BAIAP2L1: variants seen among roughly 807,000 people sequenced by gnomAD.
The protein encoded by BAIAP2L1 is BAR/IMD domain containing adaptor protein 2 like 1, also known as BAR/IMD domain-containing adapter protein 2-like 1.
In BAIAP2L1, 35 loss-of-function variants were observed where a neutral mutation model predicts 66.3. The observed-to-expected ratio is 0.53, with a 90% CI of 0.40 to 0.70. The LOEUF is 0.70. Ranked by LOEUF, BAIAP2L1 falls within the 30% of genes least tolerant of loss-of-function variation. The pLI, the probability that BAIAP2L1 is intolerant of heterozygous loss-of-function variation, is 0.00. For missense variants in BAIAP2L1, 622 were observed against 656.9 expected (o/e 0.95, Z 0.58); for synonymous variants, 269 against 248.7 (o/e 1.08, Z -0.77).
At chr7:98,396,872 T>C (rs904661021) in intron 1 of BAIAP2L1, among the ~76,000 whole-genome samples, 2 of 152,186 alleles carry the variant, frequency 1.3e-5, no homozygotes, top group Admixed American at 6.5e-5. Context: ...AAGCACTCTA[T>C]GAAAAGTATC....
At chr7:98,371,288 GAA>G (rs1399969543) in intron 1 of BAIAP2L1, among the ~76,000 whole-genome samples, 1 of 152,164 alleles carries the variant, frequency 6.6e-6, no homozygotes, top group Non-Finnish European at 1.5e-5. Flanking sequence ...GTTTTAACCA[GAA>G]TGAGTTTCAT....
intron 3 of BAIAP2L1, among the ~76,000 whole-genome samples, chr7:98,343,244 A>T (rs1292620103): frequency 8.5e-6 from 1 of 117,212 alleles, no homozygotes; most frequent in East Asian, 2.4e-4. Flanking sequence ...CTGGAAAAAA[A>T]AAATACACAC....
chr7:98,343,977 G>A (rs1801810871), intron 3 of BAIAP2L1, among the ~76,000 whole-genome samples: 2 of 152,124 alleles, frequency 1.3e-5, no homozygotes, highest in Non-Finnish European at 2.9e-5. Flanking sequence ...TCAAGAGATC[G>A]AGACCATCCT....
chr7:98,332,768 C>T (rs1801527244), intron 3 of BAIAP2L1, among the ~76,000 whole-genome samples: 1 of 144,590 alleles, frequency 6.9e-6, no homozygotes. Flanking sequence ...GAGATCACGC[C>T]GCTGCACTCC....
chr7:98,388,069 G>T (rs1431443563), intron 1 of BAIAP2L1, among the ~76,000 whole-genome samples: 3 of 152,096 alleles, frequency 2.0e-5, no homozygotes, highest in African/African-American at 7.2e-5. Flanking sequence ...TGCTCTTGGT[G>T]GGGGTGGGGA....
At chr7:98,359,925 ATTTT>A (rs34672324) in intron 2 of BAIAP2L1, among the ~76,000 whole-genome samples, 2 of 141,156 alleles carry the variant, frequency 1.4e-5, no homozygotes, top group African/African-American at 2.6e-5. Context: ...TGCCCAGCTA[ATTTT>A]TTTTTTTTTC....
chr7:98,358,734 TAA>T (rs1802198404), intron 2 of BAIAP2L1, among the ~76,000 whole-genome samples: 1 of 152,074 alleles, frequency 6.6e-6, no homozygotes, highest in Admixed American at 6.6e-5. Flanking sequence ...AATTTTTCCT[TAA>T]AATATGGTTT....
intron 3 of BAIAP2L1, 142 bp downstream of exon 3, chr7:98,354,900 T>C (rs1802084085): frequency 7.6e-6 from 5 of 662,080 alleles, no homozygotes; most frequent in African/African-American, 7.2e-5. Context: ...TAAGCATCAA[T>C]TTCCACAGAC....
chr7:98,292,952 G>C lies in BAIAP2L1; in HGVS notation c.*569C>G, dbSNP rs895936067. ...CTTAGCACTCTACAGCTCTGGCGTG[G>C]TTGGAGGGAGGGTGGGGGTTTCTCC... On this transcript the variant is annotated 3_prime_UTR_variant, in exon 14 of 14. Coordinates refer to ENST00000005260, the MANE Select transcript of BAIAP2L1 (RefSeq NM_018842.5). 2 of 1,235,434 alleles carry C rather than the reference G, an allele frequency of 1.6e-6. No homozygotes were observed. The highest frequency in any genetic ancestry group is 2.0e-6 in the Non-Finnish European group (2 of 987,676). The allele number at this position is 1,235,434 out of a possible 1,614,324, so 76.5% of individuals were successfully genotyped here.
rs1801511281 is a variant in BAIAP2L1, at chr7:98,332,216, C to A, written c.215-11918G>T. The stretch of plus-strand genomic sequence containing the variant: ...TGGCCAACATGGTGGAACTCTGTCT[C>A]TACCAAAAATATAAAAATTAGCCGG... On this transcript the variant is annotated intron_variant, in intron 3 of 13. Transcript: ENST00000005260. Among the ~76,000 whole-genome samples the A allele has an allele frequency of 2.0e-5, 3 of 151,194 alleles. No homozygotes were observed. The South Asian group carries it at 6.3e-4, about 32-fold the overall frequency.
chr7:98,363,027 C>CTTTTTT (rs71537235), intron 1 of BAIAP2L1, among the ~76,000 whole-genome samples: 114 of 75,536 alleles, frequency 1.5e-3, no homozygotes, highest in East Asian at 3.3e-3. Context: ...GGCATTTTTT[C>CTTTTTT]TTTTTTTTTT....
At chr7:98,320,695 C>T (rs1184596841) in intron 3 of BAIAP2L1, among the ~76,000 whole-genome samples, 2 of 152,160 alleles carry the variant, frequency 1.3e-5, no homozygotes, top group Admixed American at 6.5e-5. Flanking sequence ...CACAGAAATA[C>T]ACTGTCCTCA....
intron 12 of BAIAP2L1, among the ~76,000 whole-genome samples, chr7:98,301,818 G>A (rs966167259): frequency 6.6e-6 from 1 of 152,136 alleles, no homozygotes; most frequent in Admixed American, 6.5e-5. Flanking sequence ...CCTGAAGCTC[G>A]CGGGTGTGAG....
At chr7:98,300,367 C>T (rs895339560) in intron 12 of BAIAP2L1, among the ~76,000 whole-genome samples, 17 of 152,206 alleles carry the variant, frequency 1.1e-4, no homozygotes, top group African/African-American at 3.4e-4. Flanking sequence ...CTGGATGAAA[C>T]GTGGTCACTT....
Position 98,293,256 on chromosome 7 carries a change from C to A in BAIAP2L1, c.*265G>T. ...TAAAAAATACAGTAAAGATTGAAAC[C>A]AAGTTTACTGTTTCTTGAACAGAAT... On this transcript the variant is annotated 3_prime_UTR_variant, in exon 14 of 14. Coordinates refer to ENST00000005260, the MANE Select transcript of BAIAP2L1 (RefSeq NM_018842.5). 1 of 379,732 alleles carries A rather than the reference C, an allele frequency of 2.6e-6. No homozygotes were observed. The highest frequency in any genetic ancestry group is 4.7e-6 in the Non-Finnish European group (1 of 211,792). The allele number at this position is 379,732 out of a possible 1,614,324, so 23.5% of individuals were successfully genotyped here. A position where few individuals can be genotyped will look rare whatever the true frequency, so the allele number is the denominator to read the frequency against.
chr7:98,316,294 C>G (rs1196582746), intron 6 of BAIAP2L1, among the ~76,000 whole-genome samples: 1 of 152,042 alleles, frequency 6.6e-6, no homozygotes, highest in East Asian at 1.9e-4. Flanking sequence ...ATTGCCCAGT[C>G]TCGGGGTATG....
chr7:98,382,819 A>G (rs1429470634), intron 1 of BAIAP2L1, among the ~76,000 whole-genome samples: 1 of 152,222 alleles, frequency 6.6e-6, no homozygotes, highest in Non-Finnish European at 1.5e-5. Flanking sequence ...TGAACTTCAT[A>G]GGGAATAAGT....
intron 8 of BAIAP2L1, 35 bp from the exon 9 acceptor site, chr7:98,310,627 T>C (rs772399482): frequency 6.6e-7 from 1 of 1,506,098 alleles, no homozygotes; most frequent in Non-Finnish European, 8.9e-7. Flanking sequence ...AATATTAGTA[T>C]AGTGCAGAAC....
chr7:98,393,542 G>C (rs1803122998), intron 1 of BAIAP2L1, among the ~76,000 whole-genome samples: 1 of 151,618 alleles, frequency 6.6e-6, no homozygotes, highest in Non-Finnish European at 1.5e-5. Flanking sequence ...CTGTCGCCCA[G>C]GCTGGAGTGC....
Sources: gnomAD v4.1 joint callset for allele counts (sites outside exome capture counted in the v4.1 genomes callset) on GRCh38, gnomAD v4.1.1 for gene constraint, MANE v1.5 for transcripts, NCBI Gene and HGNC (gene_info 2026-07-23, HGNC 2026-07-21) for gene names.